Variants in TRIM27 observed in about 807,000 individuals in gnomAD.
TRIM27 encodes the protein tripartite motif containing 27, also known as zinc finger protein RFP.
A neutral mutation model predicts 57.6 loss-of-function variants in TRIM27; 12 were observed. The observed-to-expected ratio is 0.21, with a 90% CI of 0.13 to 0.34. TRIM27 has a LOEUF of 0.34. Ranked by LOEUF, TRIM27 falls within the 10% of genes least tolerant of loss-of-function variation. The pLI is 1.00. For synonymous variants in TRIM27, 266 were observed against 259.0 expected, an observed-to-expected ratio of 1.03 and a Z score of -0.26; for missense variants, 403 against 656.8, an observed-to-expected ratio of 0.61 and a Z score of 4.22.
intron 2 of TRIM27, among the ~76,000 whole-genome samples, chr6:28,921,373 G>C (rs1218852792): frequency 8.0e-6 from 1 of 124,944 alleles, no homozygotes; most frequent in Non-Finnish European, 1.6e-5. Flanking sequence ...GTGAGACCCT[G>C]TCTTAAAAAA....
chr6:28,914,654 C>T (rs536825699), intron 3 of TRIM27: 2 of 146,586 alleles, frequency 1.4e-5, no homozygotes, highest in African/African-American at 5.1e-5. Context: ...GTGATGGTTA[C>T]ACTGAAATCC....
chr6:28,917,198 C>T (rs761072571), intron 3 of TRIM27, among the ~76,000 whole-genome samples: 1 of 152,062 alleles, frequency 6.6e-6, no homozygotes, highest in African/African-American at 2.4e-5. Flanking sequence ...TTGCAAAACC[C>T]CAATCCTGGA....
intron 3 of TRIM27, among the ~76,000 whole-genome samples, chr6:28,917,828 T>C (rs1478781210): frequency 2.0e-5 from 3 of 151,112 alleles, no homozygotes; most frequent in African/African-American, 7.3e-5. Context: ...CTTTCTTCCT[T>C]TCTTTTTTTT....
At chr6:28,908,148 A>G (rs1376187313) in intron 6 of TRIM27, 1 of 158,838 alleles carries the variant, frequency 6.3e-6, no homozygotes, top group African/African-American at 2.4e-5. Flanking sequence ...AAGCTTCTCC[A>G]AATGCCTAGA....
chr6:28,923,116 G>T (rs1774174247), intron 1 of TRIM27, 97 bp downstream of exon 1: 2 of 1,339,616 alleles, frequency 1.5e-6, no homozygotes, highest in Non-Finnish European at 2.0e-6. Flanking sequence ...CACACGTCCG[G>T]CTCAGCCATT....
intron 1 of TRIM27, among the ~76,000 whole-genome samples, chr6:28,922,670 G>A (rs1447861136): frequency 2.0e-5 from 3 of 152,190 alleles, no homozygotes; most frequent in Non-Finnish European, 2.9e-5. Context: ...TGAGTCACAT[G>A]ATTCCACAAT....
At chr6:28,911,298 G>A (rs1385594143) in intron 4 of TRIM27, 1 of 167,382 alleles carries the variant, frequency 6.0e-6, no homozygotes, top group African/African-American at 2.4e-5. Context: ...TGTAAATGCA[G>A]GCCAGTCACA....
intron 6 of TRIM27, chr6:28,907,812 T>C: frequency 7.8e-6 from 3 of 383,472 alleles, no homozygotes; most frequent in East Asian, 4.8e-5. Flanking sequence ...CCACTTCTGG[T>C]ATTATCCACT....
chr6:28,916,927 A>G (rs1773654160), intron 3 of TRIM27, among the ~76,000 whole-genome samples: 1 of 151,972 alleles, frequency 6.6e-6, no homozygotes, highest in Admixed American at 6.6e-5. Flanking sequence ...GGATTGCTTG[A>G]GCCCAGGAGT....
intron 4 of TRIM27, among the ~76,000 whole-genome samples, chr6:28,909,399 G>A (rs1358215395): frequency 2.6e-5 from 4 of 152,330 alleles, no homozygotes; most frequent in Non-Finnish European, 4.4e-5. Flanking sequence ...GAGCCACCAC[G>A]TCCGGCCCAA....
In TRIM27 at chr6:28,904,199, C is replaced by A; in HGVS notation, c.1413G>T (p.Arg471=). 1 of 1,613,048 alleles carries A rather than the reference C, an allele frequency of 6.2e-7. No homozygotes were observed. The highest frequency in any genetic ancestry group is 1.1e-5 in the South Asian group (1 of 91,084). Reference sequence around the variant, plus strand: ...CCGAGTAACTCAGACTGAAGTAGGGCCGGACAGGCCCACAAAAGGTAGCAT... The same window carrying A: ...CCGAGTAACTCAGACTGAAGTAGGGACGGACAGGCCCACAAAAGGTAGCAT... The part of the protein sequence containing the change: ...FSHATFCGPV[R]PYFSLSYSGG... Residue 471 remains arginine (R), a synonymous_variant, in exon 8 of 8, where the codon CGG becomes CGT. Coordinates refer to ENST00000377199, the MANE Select transcript of TRIM27 (RefSeq NM_006510.5). The surrounding 1 kb of genome is among the most constrained non-coding windows in gnomAD (Gnocchi z 6.1).
At chr6:28,913,544 T>A (rs897596801) in intron 3 of TRIM27, among the ~76,000 whole-genome samples, 2 of 152,032 alleles carry the variant, frequency 1.3e-5, no homozygotes, top group Admixed American at 6.6e-5. Flanking sequence ...AAAAGGGTCA[T>A]GATTTTGCAT....
intron 3 of TRIM27, among the ~76,000 whole-genome samples, chr6:28,913,329 A>G (rs1364511733): frequency 2.0e-5 from 3 of 150,352 alleles, no homozygotes; most frequent in Non-Finnish European, 4.4e-5. Context: ...ATAGATATAT[A>G]TAATAGTTTT....
At chr6:28,922,048 ACTT>A in intron 1 of TRIM27, 61 bp from the exon 2 acceptor site, 1 of 1,235,774 alleles carries the variant, frequency 8.1e-7, no homozygotes, top group Non-Finnish European at 1.2e-6. Flanking sequence ...TCAGCATGGT[ACTT>A]CTTATCACAC....
chr6:28,922,268 C>T (rs747441135), intron 1 of TRIM27, among the ~76,000 whole-genome samples: 2 of 152,156 alleles, frequency 1.3e-5, no homozygotes, highest in African/African-American at 4.8e-5. Context: ...CTACCTGTCC[C>T]TGGTAGGATA....
At chr6:28,907,414 A>G in intron 6 of TRIM27, 152 bp from the exon 7 acceptor site, 3 of 759,022 alleles carry the variant, frequency 4.0e-6, no homozygotes, top group South Asian at 1.4e-5. Context: ...TTTTCATATG[A>G]TGTATGGCTC....
At chr6:28,905,218 G>A (rs1346560120) in intron 7 of TRIM27, 2 of 152,476 alleles carry the variant, frequency 1.3e-5, no homozygotes, top group East Asian at 3.8e-4. Flanking sequence ...CAGATACGCT[G>A]AATTGAGGTT....
At chr6:28,907,168 T>C (rs997897269) in intron 7 of TRIM27, 68 bp downstream of exon 7, 1 of 1,415,774 alleles carries the variant, frequency 7.1e-7, no homozygotes. Context: ...AAATCATTCA[T>C]AATAGTAGTT....
chr6:28,911,527 A>C, intron 4 of TRIM27, 169 bp downstream of exon 4: 1 of 666,828 alleles, frequency 1.5e-6, no homozygotes, highest in Non-Finnish European at 2.5e-6. Flanking sequence ...TTTACTGAGT[A>C]GAGCTGTGGT....
Sources: allele counts gnomAD v4.1 joint callset (sites outside exome capture counted in the v4.1 genomes callset), GRCh38; gene constraint gnomAD v4.1.1; non-coding constraint Gnocchi (gnomAD v3.1); transcripts MANE v1.5; gene names NCBI Gene and HGNC (gene_info 2026-07-23, HGNC 2026-07-21).